COL4A6: variants seen among roughly 807,000 people sequenced by gnomAD.
COL4A6 encodes the protein collagen alpha-6(IV) chain.
COL4A6 carries 59 observed loss-of-function variants against 126.7 expected under a neutral mutation model. The ratio of observed to expected loss-of-function variants is 0.47; its 90% CI spans 0.38 to 0.58. The LOEUF (loss-of-function observed/expected upper bound fraction) is 0.58. Among genes scored for constraint, COL4A6 ranks in the 20% least tolerant of loss-of-function variants. The pLI is 0.00. For synonymous variants in COL4A6, 547 were observed against 496.6 expected, an observed-to-expected ratio of 1.10 and a Z score of -1.35; for missense variants, 1,285 against 1,337.3, an observed-to-expected ratio of 0.96 and a Z score of 0.61.
intron 2 of COL4A6, among the ~76,000 whole-genome samples, chrX:108,337,128 T>G (rs1030324582): frequency 8.9e-6 from 1 of 111,865 alleles, no homozygotes; most frequent in Non-Finnish European, 1.9e-5. Flanking sequence ...CAACACTGGT[T>G]CTCAGACCAG....
At chrX:108,398,284 T>C (rs189186415) in intron 2 of COL4A6, among the ~76,000 whole-genome samples, 2 of 112,149 alleles carry the variant, frequency 1.8e-5, no homozygotes, top group East Asian at 2.8e-4. Flanking sequence ...CCTCATTTTA[T>C]GTAAAGAATC....
chrX:108,217,906 G>A (rs930366460), intron 5 of COL4A6, among the ~76,000 whole-genome samples: 8 of 111,980 alleles, frequency 7.1e-5, no homozygotes, highest in African/African-American at 2.3e-4. Flanking sequence ...AGTAAAAGAT[G>A]TGGATACCCC....
At chrX:108,173,767 A>T (rs763357976) in intron 31 of COL4A6, among the ~76,000 whole-genome samples, 12 of 112,193 alleles carry the variant, frequency 1.1e-4, no homozygotes, top group Admixed American at 5.7e-4. Flanking sequence ...TAAGGTAAAC[A>T]GTGTGCACAA....
rs1238414794 is a variant in COL4A6 at position 108,238,032 on chromosome X, C to T, written c.145-16658G>A. Among the ~76,000 whole-genome samples, 5 of 76,295 alleles carry T rather than the reference C, an allele frequency of 6.6e-5. No individual in the cohort carries two copies. In the Admixed American group the frequency reaches 6.8e-4, roughly 10 times the overall value. The allele number at this position is 76,295 out of a possible 115,157, so 66.3% of individuals were successfully genotyped here. ...TATCTGTCATCTACCTATCACCTCT[C>T]TATATCTATCTATCTATCTATCTAT... On this transcript the variant is annotated intron_variant, in intron 3 of 44. Transcript: ENST00000334504.
chrX:108,216,983 G>A (rs1302373619), intron 5 of COL4A6, among the ~76,000 whole-genome samples: 1 of 112,524 alleles, frequency 8.9e-6, no homozygotes, highest in Non-Finnish European at 1.9e-5. Flanking sequence ...CACATTTCTT[G>A]TGGATGCCAA....
intron 2 of COL4A6, among the ~76,000 whole-genome samples, chrX:108,432,642 A>G (rs1402514704): frequency 9.0e-6 from 1 of 110,736 alleles, no homozygotes; most frequent in Non-Finnish European, 1.9e-5. Flanking sequence ...TCAAGACCAG[A>G]CTGGCTAACA....
At chrX:108,258,415 C>T (rs767161460) in intron 3 of COL4A6, among the ~76,000 whole-genome samples, 1 of 111,719 alleles carries the variant, frequency 9.0e-6, no homozygotes, top group Admixed American at 9.5e-5. Flanking sequence ...GTGAGTCTTC[C>T]AGTGGAAACT....
intron 2 of COL4A6, among the ~76,000 whole-genome samples, chrX:108,326,326 T>C (rs956011228): frequency 5.3e-5 from 6 of 112,322 alleles, no homozygotes; most frequent in Non-Finnish European, 7.5e-5. Context: ...GGAATAAATC[T>C]GACAAAAGAT....
intron 2 of COL4A6, among the ~76,000 whole-genome samples, chrX:108,336,895 C>T (rs1393402872): frequency 9.0e-6 from 1 of 110,611 alleles, no homozygotes; most frequent in Non-Finnish European, 1.9e-5. Context: ...TCTCTTTACC[C>T]TAACTCCTAC....
intron 13 of COL4A6, among the ~76,000 whole-genome samples, chrX:108,198,400 G>A (rs1283751772): frequency 9.1e-6 from 1 of 110,459 alleles, no homozygotes; most frequent in Admixed American, 9.7e-5. Context: ...CAGAGGGCCT[G>A]AGAGCTTATG....
intron 2 of COL4A6, among the ~76,000 whole-genome samples, chrX:108,427,887 A>G (rs752545845): frequency 4.7e-4 from 53 of 112,266 alleles, no homozygotes; most frequent in Non-Finnish European, 3.8e-5. Context: ...TAGATAAATC[A>G]GTTAATCTCT....
intron 3 of COL4A6, among the ~76,000 whole-genome samples, chrX:108,226,629 A>T (rs1361737214): frequency 9.1e-6 from 1 of 109,892 alleles, no homozygotes; most frequent in Non-Finnish European, 1.9e-5. Flanking sequence ...TCCAACTCAA[A>T]CCCAACATGC....
chrX:108,303,808 G>GCAGCAGTAAAGAAGCCA (rs780590082), intron 3 of COL4A6, among the ~76,000 whole-genome samples: 52 of 111,776 alleles, frequency 4.7e-4, no homozygotes, highest in Non-Finnish European at 7.7e-4. Context: ...TCTAGAAGCA[G>GCAGCAGTAAAGAAGCCA]CAGCAGTAAA....
At chrX:108,300,518 T>C (rs947912998) in intron 3 of COL4A6, among the ~76,000 whole-genome samples, 1 of 110,207 alleles carries the variant, frequency 9.1e-6, no homozygotes, top group Non-Finnish European at 1.9e-5. Flanking sequence ...ATAGGGAGCT[T>C]AGTGTCTGCC....
chrX:108,317,073 G>A (rs188104186), intron 2 of COL4A6, among the ~76,000 whole-genome samples: 1 of 112,575 alleles, frequency 8.9e-6, no homozygotes, highest in African/African-American at 3.2e-5. Context: ...GGCCACCTAG[G>A]AGGCTGTTGC....
chrX:108,253,262 C>T (rs1414135481), intron 3 of COL4A6, among the ~76,000 whole-genome samples: 3 of 111,779 alleles, frequency 2.7e-5, no homozygotes, highest in African/African-American at 9.7e-5. Context: ...AGAGACTCCA[C>T]TATGAAACTC....
chrX:108,242,168 C>G (rs1162142313), intron 3 of COL4A6, among the ~76,000 whole-genome samples: 1 of 110,579 alleles, frequency 9.0e-6, no homozygotes, highest in Admixed American at 9.7e-5. Context: ...TTTTCTGTTC[C>G]AGAATCCAAA....
chrX:108,393,737 C>T (rs190327947), intron 2 of COL4A6, among the ~76,000 whole-genome samples: 1 of 112,008 alleles, frequency 8.9e-6, no homozygotes, highest in Admixed American at 9.5e-5. Flanking sequence ...GTGATTTTCA[C>T]CTTTAAAAGT....
chrX:108,168,404 A>C (rs2034195991), intron 37 of COL4A6, among the ~76,000 whole-genome samples: 1 of 112,205 alleles, frequency 8.9e-6, no homozygotes, highest in African/African-American at 3.2e-5. Flanking sequence ...TCAATTTAAA[A>C]TGCAGCAGGA....
Sources: allele counts gnomAD v4.1 joint callset (sites outside exome capture counted in the v4.1 genomes callset), GRCh38; gene constraint gnomAD v4.1.1; transcripts MANE v1.5; gene names NCBI Gene and HGNC (gene_info 2026-07-23, HGNC 2026-07-21).